AGBL1: variants seen among roughly 807,000 people sequenced by gnomAD.
The protein encoded by AGBL1 is AGBL carboxypeptidase 1.
In AGBL1, 130 loss-of-function variants were observed where a neutral mutation model predicts 118.9. The observed-to-expected ratio is 1.09, with a 90% CI of 0.95 to 1.26. The LOEUF is 1.26. AGBL1 is among the 50% of genes most tolerant of loss of function. The pLI, the probability that AGBL1 is intolerant of heterozygous loss-of-function variation, is 0.00. For missense variants in AGBL1, 1,584 were observed against 1,298.1 expected (o/e 1.22, Z -3.38); for synonymous variants, 555 against 478.9 (o/e 1.16, Z -2.08).
Position 86,907,895 on chromosome 15 carries a change from G to A in AGBL1, c.*601G>A, listed in dbSNP as rs1248827181. 1 of 152,138 alleles carries A rather than the reference G, an allele frequency of 6.6e-6. No individual in the cohort carries two copies. The highest frequency in any genetic ancestry group is 1.5e-5 in the Non-Finnish European group (1 of 68,032). The allele number at this position is 152,138 out of a possible 1,614,324, so 9.4% of individuals were successfully genotyped here. ...AAGCAGCATATATTTTACATATGTG[G>A]TACAGGCCAGAAGCTGCACTAGACT... is the stretch of plus-strand genomic sequence containing the variant. On this transcript the variant is annotated 3_prime_UTR_variant, in exon 23 of 23. Coordinates refer to ENST00000614907, the MANE Select transcript of AGBL1 (RefSeq NM_001386094.1).
chr15:86,557,523 T>A (rs572478520), intron 21 of AGBL1, among the ~76,000 whole-genome samples: 1 of 152,292 alleles, frequency 6.6e-6, no homozygotes, highest in African/African-American at 2.4e-5. Context: ...TCAGCTGAGG[T>A]TTGAAGAGTG....
intron 17 of AGBL1, among the ~76,000 whole-genome samples, chr15:86,382,350 C>A (rs2081124279): frequency 1.3e-5 from 2 of 152,158 alleles, no homozygotes; most frequent in Admixed American, 6.5e-5. Flanking sequence ...ATGCAGATCT[C>A]AATTTCCCAT....
At chr15:86,563,564 T>TGTGTG (rs762907260) in intron 21 of AGBL1, among the ~76,000 whole-genome samples, 4,722 of 119,968 alleles carry the variant, frequency 0.039, 162 homozygotes, top group East Asian at 0.2. Flanking sequence ...TACTTCCAAC[T>TGTGTG]ATGGACTAAG....
intron 6 of AGBL1, among the ~76,000 whole-genome samples, chr15:86,226,791 C>G (rs2078371876): frequency 6.6e-6 from 1 of 152,192 alleles, no homozygotes; most frequent in African/African-American, 2.4e-5. Context: ...ATTGCCTCCT[C>G]TGAAAATCCT....
intron 5 of AGBL1, among the ~76,000 whole-genome samples, chr15:86,181,638 G>T (rs1293304806): frequency 6.6e-6 from 1 of 151,828 alleles, no homozygotes; most frequent in Non-Finnish European, 1.5e-5. Context: ...ATCTCATCAA[G>T]TTATACATTT....
At chr15:86,749,272 G>A (rs544084003) in intron 22 of AGBL1, among the ~76,000 whole-genome samples, 5 of 152,144 alleles carry the variant, frequency 3.3e-5, no homozygotes, top group East Asian at 1.9e-4. Flanking sequence ...CTTTGAAGCA[G>A]TTGTGAATGG....
At chr15:86,608,221 C>G (rs1179382456) in intron 21 of AGBL1, among the ~76,000 whole-genome samples, 2 of 152,186 alleles carry the variant, frequency 1.3e-5, no homozygotes, top group African/African-American at 2.4e-5. Flanking sequence ...AGAGAAACAC[C>G]AGAAATATCA....
chr15:86,679,032 T>C (rs1421968208), intron 22 of AGBL1, among the ~76,000 whole-genome samples: 6 of 152,100 alleles, frequency 3.9e-5, no homozygotes, highest in Non-Finnish European at 7.4e-5. Flanking sequence ...ACCTCATTAG[T>C]ATTTGTTTAA....
chr15:86,747,774 C>T (rs996895650), intron 22 of AGBL1, among the ~76,000 whole-genome samples: 1 of 152,118 alleles, frequency 6.6e-6, no homozygotes, highest in South Asian at 2.1e-4. Flanking sequence ...TGATGGTTTC[C>T]AGCTTCATCC....
At chr15:86,743,201 T>C (rs1428539179) in intron 22 of AGBL1, among the ~76,000 whole-genome samples, 1 of 152,170 alleles carries the variant, frequency 6.6e-6, no homozygotes, top group East Asian at 1.9e-4. Context: ...TATTAAGGTG[T>C]AATTTACGTA....
chr15:86,367,725 GA>G (rs2141936060), intron 17 of AGBL1, among the ~76,000 whole-genome samples: 1 of 152,310 alleles, frequency 6.6e-6, no homozygotes, highest in Non-Finnish European at 1.5e-5. Context: ...TGTGATCTCA[GA>G]AAAAGAGGCT....
chr15:86,553,826 C>A (rs2083694966), intron 20 of AGBL1, among the ~76,000 whole-genome samples: 1 of 151,878 alleles, frequency 6.6e-6, no homozygotes. Context: ...TCCTTTCTAG[C>A]AACTTTATGG....
rs557999937 is a variant in AGBL1, at chr15:86,147,140, G to T, written c.262+3295G>T. Among the ~76,000 whole-genome samples the T allele has an allele frequency of 6.8e-4, 104 of 152,244 alleles. 1 individual carries two copies. The highest frequency in any genetic ancestry group is 2.5e-3 in the African/African-American group (102 of 41,546). On this transcript the variant is annotated intron_variant, in intron 3 of 22. Transcript: ENST00000614907. Reference sequence around the variant, plus strand: ...TAGAAATATTAGAGGGGAAATAGGGGGCATTCCAAGATGGCCCAATAGGAA... The same window carrying T: ...TAGAAATATTAGAGGGGAAATAGGGTGCATTCCAAGATGGCCCAATAGGAA...
intron 17 of AGBL1, among the ~76,000 whole-genome samples, chr15:86,298,316 G>T (rs931536264): frequency 7.1e-5 from 5 of 70,490 alleles, no homozygotes; most frequent in Admixed American, 3.0e-4. Context: ...TATATATATA[G>T]GTAACTATAT....
chr15:86,481,158 T>C (rs1174795128), intron 18 of AGBL1, among the ~76,000 whole-genome samples: 1 of 151,746 alleles, frequency 6.6e-6, no homozygotes, highest in Non-Finnish European at 1.5e-5. Context: ...AAGTCATTTT[T>C]CTGTCTCATT....
intron 22 of AGBL1, among the ~76,000 whole-genome samples, chr15:86,695,499 T>A (rs2086241177): frequency 6.6e-6 from 1 of 152,092 alleles, no homozygotes; most frequent in South Asian, 2.1e-4. Context: ...TCTTGGTTGA[T>A]CTTGCTAATG....
chr15:86,109,300 A>T (rs566225461), intron 1 of AGBL1, among the ~76,000 whole-genome samples: 41 of 152,336 alleles, frequency 2.7e-4, no homozygotes, highest in African/African-American at 9.9e-4. Context: ...TTAAGTATGA[A>T]TGAGGATACT....
intron 5 of AGBL1, among the ~76,000 whole-genome samples, chr15:86,196,879 G>GCGCGCGCACACACACACACACA (rs756313941): frequency 6.8e-5 from 8 of 117,012 alleles, no homozygotes; most frequent in African/African-American, 2.2e-4. Context: ...GCGCGCGCGC[G>GCGCGCGCACACACACACACACA]CACACACACA....
intron 6 of AGBL1, among the ~76,000 whole-genome samples, chr15:86,232,810 C>G (rs2078478004): frequency 6.6e-6 from 1 of 152,158 alleles, no homozygotes; most frequent in African/African-American, 2.4e-5. Flanking sequence ...GCCCTCCTGC[C>G]TCCCCGCCCT....
Sources: gnomAD v4.1 joint callset for allele counts (sites outside exome capture counted in the v4.1 genomes callset) on GRCh38, gnomAD v4.1.1 for gene constraint, MANE v1.5 for transcripts, NCBI Gene and HGNC (gene_info 2026-07-23, HGNC 2026-07-21) for gene names.